Variants in DPPA2 observed in about 807,000 individuals in gnomAD.
The protein encoded by DPPA2 is developmental pluripotency associated 2, also known as developmental pluripotency-associated protein 2.
Under a neutral mutation model 36.2 loss-of-function variants are expected in DPPA2, and 26 were observed. The observed-to-expected ratio is 0.72, with a 90% CI of 0.53 to 1.00. The LOEUF is 1.00. Ranked by LOEUF, DPPA2 falls within the 50% of genes least tolerant of loss-of-function variation. The pLI is 0.00. For synonymous variants in DPPA2, 113 were observed against 123.2 expected, an observed-to-expected ratio of 0.92 and a Z score of 0.55; for missense variants, 361 against 365.1, an observed-to-expected ratio of 0.99 and a Z score of 0.09.
At chr3:109,307,480 G>A (rs1339925386) in intron 6 of DPPA2, among the ~76,000 whole-genome samples, 2 of 151,456 alleles carry the variant, frequency 1.3e-5, no homozygotes, top group Non-Finnish European at 2.9e-5. Flanking sequence ...GTGGGTGCCT[G>A]TAATTCCAGC....
At chr3:109,299,865 C>T (rs1421597165) in intron 8 of DPPA2, among the ~76,000 whole-genome samples, 1 of 151,286 alleles carries the variant, frequency 6.6e-6, no homozygotes, top group Non-Finnish European at 1.5e-5. Context: ...AAGTGATCCT[C>T]CTGACTTAGC....
chr3:109,304,139 G>A (rs1428122203), intron 7 of DPPA2, among the ~76,000 whole-genome samples: 1 of 151,976 alleles, frequency 6.6e-6, no homozygotes, highest in Non-Finnish European at 1.5e-5. Context: ...GCGTGGTGGT[G>A]CATGCCTGTA....
chr3:109,312,491 C>T (rs1707727749), intron 3 of DPPA2, 54 bp downstream of exon 3: 12 of 1,553,866 alleles, frequency 7.7e-6, no homozygotes, highest in South Asian at 4.8e-5. Flanking sequence ...TTACTTTTTC[C>T]TGGGCTTCCC....
intron 8 of DPPA2, among the ~76,000 whole-genome samples, 181 bp from the exon 9 acceptor site, chr3:109,294,185 GT>G (rs1707311913): frequency 2.0e-5 from 3 of 152,140 alleles, no homozygotes; most frequent in Non-Finnish European, 4.4e-5. Flanking sequence ...GTCAGAATTG[GT>G]TTCCTTTGGG....
chr3:109,299,893 C>T lies in DPPA2; in HGVS notation c.*22+478G>A, dbSNP rs13323512. Among the ~76,000 whole-genome samples the T allele has an allele frequency of 5.7e-3, 869 of 151,802 alleles. 5 individuals are homozygous for T. The highest frequency in any genetic ancestry group is 8.7e-3 in the Non-Finnish European group (594 of 67,950). On this transcript the variant is annotated intron_variant, in intron 8 of 8. Coordinates refer to ENST00000478945, the MANE Select transcript of DPPA2 (RefSeq NM_138815.4). ...GACTTAGCCTTCCCGGTAGCTGGGA[C>T]TACAGGTGACTACCACCATGCCCAG...
At chr3:109,300,247 C>T (rs1184836973) in intron 8 of DPPA2, 124 bp downstream of exon 8, 15 of 748,818 alleles carry the variant, frequency 2.0e-5, no homozygotes, top group Non-Finnish European at 3.1e-5. Context: ...GACTTTGATA[C>T]ATTTATGTCC....
chr3:109,296,984 C>A (rs1707363579), intron 8 of DPPA2, among the ~76,000 whole-genome samples: 1 of 151,974 alleles, frequency 6.6e-6, no homozygotes. Flanking sequence ...CAGTAGGATA[C>A]TGAGGTGGGA....
rs760606844 is a variant in DPPA2, at chr3:109,312,563, G to C, written c.163C>G (p.Pro55Ala). The part of the protein sequence containing the change: ...SSTSDVKLEK[P>A]KKYNPGHLLQ... ...CTCATACCTGGATTGTATTTCTTAGGCTTCTCCAGTTTGACATCAGAAGTT... is the reference window on the plus strand; with the variant it reads ...CTCATACCTGGATTGTATTTCTTAGCCTTCTCCAGTTTGACATCAGAAGTT... The change falls in exon 3 of 9, where the codon CCT becomes GCT. Residue 55 changes from proline to alanine, a missense_variant. Transcript: ENST00000478945. 6.2e-7 allele frequency: 1 copy of C among 1,613,342 alleles called. No individual in the cohort carries two copies. The highest frequency in any genetic ancestry group is 8.5e-7 in the Non-Finnish European group (1 of 1,179,568).
At position 109,309,155 on chromosome 3, in the gene DPPA2, C is replaced by T. The variant is rs1294361658; in HGVS notation, c.342+15G>A. The T allele has an allele frequency of 3.7e-6, 6 of 1,614,024 alleles. No homozygotes were observed. The highest frequency in any genetic ancestry group is 8.5e-7 in the Non-Finnish European group (1 of 1,180,032). ...AATTATTCCCAGCAGCAGATATTCA[C>T]CCAAGTGTACTAACCTTGCCATTAG... On this transcript the variant is annotated intron_variant, in intron 4 of 8. Transcript: ENST00000478945.
intron 7 of DPPA2, among the ~76,000 whole-genome samples, chr3:109,301,371 G>A (rs1191818575): frequency 6.6e-6 from 1 of 151,960 alleles, no homozygotes; most frequent in Non-Finnish European, 1.5e-5. Context: ...AAAATTTAAG[G>A]CTGGGTGCGG....
chr3:109,294,750 G>A (rs950554173), intron 8 of DPPA2, among the ~76,000 whole-genome samples: 1 of 152,140 alleles, frequency 6.6e-6, no homozygotes, highest in African/African-American at 2.4e-5. Flanking sequence ...TTAGCTGGGC[G>A]CGGCGGCTCA....
At chr3:109,299,638 A>T (rs1707422436) in intron 8 of DPPA2, among the ~76,000 whole-genome samples, 1 of 150,922 alleles carries the variant, frequency 6.6e-6, no homozygotes, top group South Asian at 2.1e-4. Context: ...GTGAGCTGAG[A>T]TCTCATCATT....
rs150094612 is a variant in DPPA2 at position 109,308,470 on chromosome 3, C to G, written c.397-177G>C. Among the ~76,000 whole-genome samples the G allele has an allele frequency of 6.0e-3, 919 of 152,296 alleles. 13 individuals are homozygous for G. Among genetic ancestry groups the G allele is most frequent in the African/African-American group, 0.021 (882 of 41,578 alleles). The stretch of plus-strand genomic sequence containing the variant: ...CTCCGCCTCCCAGGTTCAAGCTATT[C>G]TCCTGCCTCAGCCTCCCTAGTAGCT... On this transcript the variant is annotated intron_variant, in intron 5 of 8. Transcript: ENST00000478945.
At chr3:109,301,242 G>A (rs965261794) in intron 7 of DPPA2, among the ~76,000 whole-genome samples, 2 of 152,034 alleles carry the variant, frequency 1.3e-5, no homozygotes, top group African/African-American at 4.8e-5. Context: ...GCCTCCCAAA[G>A]TGCTAGGATT....
At chr3:109,310,243 A>AAG in intron 3 of DPPA2, among the ~76,000 whole-genome samples, 1 of 84,754 alleles carries the variant, frequency 1.2e-5, no homozygotes, top group Non-Finnish European at 2.7e-5. Context: ...AAAAAAAAAA[A>AAG]AAAGAAAAAT....
intron 6 of DPPA2, 52 bp from the exon 7 acceptor site, chr3:109,304,722 A>T: frequency 6.6e-7 from 1 of 1,512,126 alleles, no homozygotes; most frequent in Non-Finnish European, 8.9e-7. Flanking sequence ...GCACCCCAAC[A>T]CAACCTCTCA....
At chr3:109,309,888 C>T (rs1034608279) in intron 3 of DPPA2, among the ~76,000 whole-genome samples, 46 of 151,916 alleles carry the variant, frequency 3.0e-4, no homozygotes, top group African/African-American at 9.7e-4. Flanking sequence ...TCGAGACCAG[C>T]CCGGCCAACA....
rs1707519359 is a variant in DPPA2, at chr3:109,304,739, C to A, written c.659-69G>T. The A allele has an allele frequency of 4.8e-6, 7 of 1,472,210 alleles. No individual in the cohort carries two copies. In the African/African-American group the frequency reaches 5.7e-5, roughly 12 times the overall value. 91.2% of individuals were successfully genotyped at this position (1,472,210 alleles called of 1,614,324 possible). ...ACCCCAACACAACCTCTCAGCAAGT[C>A]ACTCTTGAATTTGCTCTTGTATTCT... On this transcript the variant is annotated intron_variant, in intron 6 of 8. Coordinates refer to ENST00000478945, the MANE Select transcript of DPPA2 (RefSeq NM_138815.4).
intron 6 of DPPA2, among the ~76,000 whole-genome samples, chr3:109,306,777 C>T (rs1053673430): frequency 6.6e-6 from 1 of 151,060 alleles, no homozygotes; most frequent in Non-Finnish European, 1.5e-5. Context: ...ACCAGCCTGA[C>T]CAACATGGAG....
Sources: gnomAD v4.1 joint callset for allele counts (sites outside exome capture counted in the v4.1 genomes callset) on GRCh38, gnomAD v4.1.1 for gene constraint, MANE v1.5 for transcripts, NCBI Gene and HGNC (gene_info 2026-07-23, HGNC 2026-07-21) for gene names.